The following RYR2 variants were observed in gnomAD, a reference collection of about 807,000 sequenced individuals.
The protein encoded by RYR2 is ryanodine receptor 2.
A neutral mutation model predicts 601.1 loss-of-function variants in RYR2; 227 were observed. The ratio of observed to expected loss-of-function variants is 0.38; its 90% CI spans 0.34 to 0.42. The LOEUF (loss-of-function observed/expected upper bound fraction) is 0.42. Among genes scored for constraint, RYR2 ranks in the 10% least tolerant of loss-of-function variants. RYR2 has a pLI of 1.00. For synonymous variants in RYR2, 2,223 were observed against 2,175.1 expected (o/e 1.02, Z -0.61); for missense variants, 4,646 against 6,156.5 (o/e 0.75, Z 8.21).
At chr1:237,750,102 C>T (rs1325378772) in intron 80 of RYR2, among the ~76,000 whole-genome samples, 1 of 152,160 alleles carries the variant, frequency 6.6e-6, no homozygotes, top group African/African-American at 2.4e-5. Context: ...GCCAAGATTA[C>T]ACCATTGCAC....
chr1:237,281,105 T>C (rs1010754935), intron 2 of RYR2, among the ~76,000 whole-genome samples: 1 of 152,158 alleles, frequency 6.6e-6, no homozygotes, highest in Admixed American at 6.6e-5. Context: ...ATTTTTAACA[T>C]GCATTTATGC....
chr1:237,291,458 C>T (rs1392060238), intron 2 of RYR2, among the ~76,000 whole-genome samples: 2 of 152,108 alleles, frequency 1.3e-5, no homozygotes, highest in Non-Finnish European at 2.9e-5. Context: ...TGAGTAAAAG[C>T]TTATGTCCCC....
chr1:237,228,949 A>G (rs1187601628), intron 1 of RYR2, among the ~76,000 whole-genome samples: 2 of 152,168 alleles, frequency 1.3e-5, no homozygotes, highest in African/African-American at 4.8e-5. Context: ...AACATTGTGC[A>G]CCTATGATGC....
intron 38 of RYR2, among the ~76,000 whole-genome samples, chr1:237,622,529 A>G (rs1679181616): frequency 6.6e-6 from 1 of 152,176 alleles, no homozygotes. Flanking sequence ...CTTGGGTTCT[A>G]TTCTCAAAAT....
intron 2 of RYR2, among the ~76,000 whole-genome samples, chr1:237,311,962 A>G (rs1354158868): frequency 3.3e-5 from 5 of 152,208 alleles, no homozygotes; most frequent in African/African-American, 1.2e-4. Flanking sequence ...CATGTGGACA[A>G]CATTGCTGAA....
intron 1 of RYR2, among the ~76,000 whole-genome samples, chr1:237,137,993 A>G (rs1190292808): frequency 6.6e-6 from 1 of 151,750 alleles, no homozygotes; most frequent in African/African-American, 2.4e-5. Context: ...TTACTTTTTA[A>G]TTTTACCACT....
intron 2 of RYR2, among the ~76,000 whole-genome samples, chr1:237,312,851 G>A (rs1442193871): frequency 1.3e-5 from 2 of 152,102 alleles, no homozygotes; most frequent in Non-Finnish European, 2.9e-5. Context: ...GTAATTGGTG[G>A]ATTAAAATGA....
Position 237,364,243 on chromosome 1 carries a change from G to C in RYR2, c.295-115G>C, listed in dbSNP as rs914059396. 5 of 856,040 alleles carry C rather than the reference G, an allele frequency of 5.8e-6. No homozygotes were observed. The African/African-American group carries it at 7.0e-5, about 12-fold the overall frequency. 53.0% of individuals were successfully genotyped at this position (856,040 alleles called of 1,614,324 possible). ...GTGAATGTTTTTTTTTATGTTTATT[G>C]TTTACATAGCTCCATTTAGGATAAC... On this transcript the variant is annotated intron_variant, in intron 4 of 104. Coordinates refer to ENST00000366574, the MANE Select transcript of RYR2 (RefSeq NM_001035.3).
chr1:237,172,465 A>G (rs1677514937), intron 1 of RYR2, among the ~76,000 whole-genome samples: 1 of 152,134 alleles, frequency 6.6e-6, no homozygotes, highest in Non-Finnish European at 1.5e-5. Context: ...TGATAATTTA[A>G]AAACGGCTAT....
chr1:237,595,530 C>T lies in RYR2; in HGVS notation c.4469C>T (p.Ala1490Val), dbSNP rs2148474559. 1.9e-6 allele frequency: 3 copies of T among 1,613,160 alleles called. 1 individual carries two copies. The highest frequency in any genetic ancestry group is 4.5e-5 in the East Asian group (2 of 44,804). Residue 1490 changes from alanine (A) to valine (V), a missense_variant, in exon 34 of 105, where the codon GCG becomes GTG. Physicochemically the swap from Ala to Val is moderately conservative, Grantham distance 64. Coordinates refer to ENST00000366574, the MANE Select transcript of RYR2 (RefSeq NM_001035.3). ...CGCAGCAACTGCTATATGGTATGTGCGGGTGAGAGCATGAGCCCCGGGCAA... is the reference window on the plus strand; with the variant it reads ...CGCAGCAACTGCTATATGGTATGTGTGGGTGAGAGCATGAGCCCCGGGCAA... ...IKRSNCYMVC[A>V]GESMSPGQGR...
At position 237,634,880 on chromosome 1, in the gene RYR2, A is replaced by G; in HGVS notation, c.6689-9A>G. On this transcript the variant is annotated splice_polypyrimidine_tract_variant and intron_variant, in intron 43 of 104. Coordinates refer to ENST00000366574, the MANE Select transcript of RYR2 (RefSeq NM_001035.3). ...CCAGGTTATATTTCATCTTCATTTG[A>G]ATTAATAGCCTCCCCAGCTATGAGA... 6.3e-7 allele frequency: 1 copy of G among 1,593,544 alleles called. No homozygotes were observed.
At chr1:237,230,811 C>T (rs1684908749) in intron 1 of RYR2, among the ~76,000 whole-genome samples, 1 of 151,744 alleles carries the variant, frequency 6.6e-6, no homozygotes, top group African/African-American at 2.4e-5. Flanking sequence ...TGCCTGTAAT[C>T]CCAGCTACTC....
rs990395836 is a variant in RYR2 at position 237,107,315 on chromosome 1, A to G, written c.48+64746A>G. ...GGCGGGCGGATCACGAGGTCAGGAGATCGAGACCATCCTGGCTAACACGGT... is the reference window on the plus strand; with the variant it reads ...GGCGGGCGGATCACGAGGTCAGGAGGTCGAGACCATCCTGGCTAACACGGT... On this transcript the variant is annotated intron_variant, in intron 1 of 104. Coordinates refer to ENST00000366574, the MANE Select transcript of RYR2 (RefSeq NM_001035.3). Among the ~76,000 whole-genome samples the G allele has an allele frequency of 5.9e-5, 9 of 151,458 alleles. No homozygotes were observed. The East Asian group carries it at 1.8e-3, about 30-fold the overall frequency.
At chr1:237,473,135 A>G (rs1660924911) in intron 17 of RYR2, among the ~76,000 whole-genome samples, 1 of 152,056 alleles carries the variant, frequency 6.6e-6, no homozygotes, top group Admixed American at 6.6e-5. Flanking sequence ...ATAAAAAAGT[A>G]TTTGGTGGGC....
At chr1:237,781,045 T>C (rs910764589) in intron 88 of RYR2, among the ~76,000 whole-genome samples, 1 of 151,830 alleles carries the variant, frequency 6.6e-6, no homozygotes, top group East Asian at 1.9e-4. Context: ...TCATTGTCGG[T>C]ACAAATACTT....
At chr1:237,569,602 T>G (rs911120966) in intron 29 of RYR2, among the ~76,000 whole-genome samples, 2 of 152,290 alleles carry the variant, frequency 1.3e-5, no homozygotes, top group African/African-American at 4.8e-5. Context: ...TTTCCATCAT[T>G]GTTAAATTTT....
chr1:237,785,048 T>A, intron 90 of RYR2, 76 bp downstream of exon 90: 1 of 1,045,606 alleles, frequency 9.6e-7, no homozygotes, highest in Non-Finnish European at 1.4e-6. Context: ...TAGACCAGGT[T>A]TCATGCTAGT....
chr1:237,099,116 A>C (rs1362409569), intron 1 of RYR2, among the ~76,000 whole-genome samples: 1 of 133,806 alleles, frequency 7.5e-6, no homozygotes, highest in Non-Finnish European at 1.7e-5. Flanking sequence ...GAAAAAAAAA[A>C]ACCCAGGAAA....
rs1023721401 is a variant in RYR2 at position 237,068,644 on chromosome 1, T to C, written c.48+26075T>C. Among the ~76,000 whole-genome samples the C allele has an allele frequency of 3.3e-5, 5 of 152,164 alleles. No individual in the cohort carries two copies. The East Asian group carries it at 9.6e-4, about 29-fold the overall frequency. Reference sequence around the variant, plus strand: ...CTTCTCATTACATTTGCCCTGACTTTTGCAAAAATGGGTTGGTTATGAGAA... The same window carrying C: ...CTTCTCATTACATTTGCCCTGACTTCTGCAAAAATGGGTTGGTTATGAGAA... On this transcript the variant is annotated intron_variant, in intron 1 of 104. Transcript: ENST00000366574.
Sources: allele counts gnomAD v4.1 joint callset (sites outside exome capture counted in the v4.1 genomes callset), GRCh38; gene constraint gnomAD v4.1.1; transcripts MANE v1.5; gene names NCBI Gene and HGNC (gene_info 2026-07-23, HGNC 2026-07-21).